PLA1A: variants seen among roughly 807,000 people sequenced by gnomAD.
PLA1A encodes the protein phospholipase A1 member A, also known as phosphatidylserine-specific phospholipase A1alpha.
Under a neutral mutation model 49.4 loss-of-function variants are expected in PLA1A, and 47 were observed. That is an observed-to-expected ratio of 0.95 (90% confidence interval 0.75 to 1.21). The LOEUF (loss-of-function observed/expected upper bound fraction) is 1.21, where lower values mean the gene tolerates loss of function less well. PLA1A is among the 50% of genes most tolerant of loss of function. PLA1A has a pLI of 0.00. For synonymous variants in PLA1A, 224 were observed against 207.9 expected, an observed-to-expected ratio of 1.08 and a Z score of -0.67; for missense variants, 561 against 563.9, an observed-to-expected ratio of 0.99 and a Z score of 0.05.
chr3:119,622,419 A>C (rs2082954028), intron 8 of PLA1A, among the ~76,000 whole-genome samples: 1 of 152,158 alleles, frequency 6.6e-6, no homozygotes, highest in African/African-American at 2.4e-5. Context: ...GTAACATCTG[A>C]GAAGGAGAGA....
intron 9 of PLA1A, 33 bp from the exon 10 acceptor site, chr3:119,628,668 G>A (rs566677139): frequency 6.2e-7 from 1 of 1,607,178 alleles, no homozygotes; most frequent in South Asian, 1.1e-5. Context: ...AAGGGCTACA[G>A]TCATTTACTT....
intron 5 of PLA1A, among the ~76,000 whole-genome samples, chr3:119,614,742 TA>T (rs11403395): frequency 2.2e-4 from 33 of 148,708 alleles, no homozygotes; most frequent in South Asian, 8.5e-4. Flanking sequence ...TGATGTGACT[TA>T]AAAAAAAAAA....
At chr3:119,621,453 G>A (rs2082928788) in intron 8 of PLA1A, among the ~76,000 whole-genome samples, 2 of 152,168 alleles carry the variant, frequency 1.3e-5, no homozygotes, top group Non-Finnish European at 2.9e-5. Flanking sequence ...AGGGGGTAGG[G>A]ACCAGCAGCT....
chr3:119,605,980 G>C (rs1226947129), intron 1 of PLA1A, among the ~76,000 whole-genome samples: 2 of 152,210 alleles, frequency 1.3e-5, no homozygotes, highest in African/African-American at 4.8e-5. Context: ...ATAAGGACAA[G>C]AAGTGATTAG....
At chr3:119,620,030 C>T (rs761724568) in intron 8 of PLA1A, 4 of 461,482 alleles carry the variant, frequency 8.7e-6, no homozygotes, top group South Asian at 4.7e-5. Context: ...GTTGGGGTCC[C>T]TGGGGAATAC....
At chr3:119,615,719 G>A (rs2082836295) in intron 5 of PLA1A, among the ~76,000 whole-genome samples, 1 of 152,110 alleles carries the variant, frequency 6.6e-6, no homozygotes, top group African/African-American at 2.4e-5. Context: ...GCTGAGGCAG[G>A]AGAATCGCTT....
At chr3:119,628,150 T>C (rs1021795190) in intron 9 of PLA1A, among the ~76,000 whole-genome samples, 1 of 152,216 alleles carries the variant, frequency 6.6e-6, no homozygotes, top group African/African-American at 2.4e-5. Context: ...TTACACCTAG[T>C]TGCTATGTGA....
At chr3:119,628,008 G>A (rs1282296886) in intron 9 of PLA1A, among the ~76,000 whole-genome samples, 1 of 103,348 alleles carries the variant, frequency 9.7e-6, no homozygotes, top group Non-Finnish European at 2.1e-5. Flanking sequence ...AAGGGAATCT[G>A]GGGGGGCAAA....
At chr3:119,622,701 C>T (rs2082960610) in intron 8 of PLA1A, among the ~76,000 whole-genome samples, 1 of 152,102 alleles carries the variant, frequency 6.6e-6, no homozygotes, top group Non-Finnish European at 1.5e-5. Flanking sequence ...AGCTATGTTC[C>T]CATCACCAAA....
chr3:119,626,094 G>A (rs926580914), intron 9 of PLA1A, among the ~76,000 whole-genome samples: 2 of 152,214 alleles, frequency 1.3e-5, no homozygotes, highest in Admixed American at 6.5e-5. Flanking sequence ...ACACAATGCA[G>A]AGATTAATCA....
chr3:119,622,389 A>G (rs2082953048), intron 8 of PLA1A, among the ~76,000 whole-genome samples: 1 of 152,186 alleles, frequency 6.6e-6, no homozygotes, highest in African/African-American at 2.4e-5. Flanking sequence ...GCCCGTCCCC[A>G]TAACAATTGA....
At chr3:119,614,428 C>T (rs950012170) in intron 5 of PLA1A, among the ~76,000 whole-genome samples, 9 of 151,810 alleles carry the variant, frequency 5.9e-5, no homozygotes, top group African/African-American at 2.2e-4. Flanking sequence ...AAAGTGAAAC[C>T]CCGTCTCTAC....
chr3:119,614,465 G>T (rs1002226898), intron 5 of PLA1A, among the ~76,000 whole-genome samples: 3 of 152,034 alleles, frequency 2.0e-5, no homozygotes, highest in African/African-American at 4.8e-5. Flanking sequence ...ATTTAGTGAG[G>T]CGTGGTGGTA....
rs372722871 is a variant in PLA1A at position 119,628,891 on chromosome 3, C to T, written c.1286+26C>T. The T allele has an allele frequency of 5.0e-6, 8 of 1,591,668 alleles. No individual in the cohort carries two copies. The African/African-American group carries it at 1.1e-4, about 21-fold the overall frequency. The stretch of plus-strand genomic sequence containing the variant: ...GTAAGCCCCAGTATTCACCTCTGCA[C>T]CAGATGCACTCACACATCAAAGACC... On this transcript the variant is annotated intron_variant, in intron 10 of 10. Transcript: ENST00000273371.
chr3:119,614,332 G>A (rs2082814061), intron 5 of PLA1A, among the ~76,000 whole-genome samples: 2 of 152,096 alleles, frequency 1.3e-5, no homozygotes, highest in Non-Finnish European at 2.9e-5. Context: ...GGTCGGGCGT[G>A]GTGGCTCACA....
chr3:119,624,421 G>A (rs777293384), intron 8 of PLA1A, among the ~76,000 whole-genome samples: 4 of 152,106 alleles, frequency 2.6e-5, no homozygotes, highest in African/African-American at 4.8e-5. Context: ...ACATGAACTC[G>A]GAGGGGACAC....
At chr3:119,625,826 C>A (rs917462727) in intron 9 of PLA1A, among the ~76,000 whole-genome samples, 3 of 152,112 alleles carry the variant, frequency 2.0e-5, no homozygotes, top group Admixed American at 2.0e-4. Flanking sequence ...GGTGGGACTA[C>A]GCTTGAAGTG....
chr3:119,604,330 A>T (rs1237798909), intron 1 of PLA1A, among the ~76,000 whole-genome samples: 1 of 152,240 alleles, frequency 6.6e-6, no homozygotes, highest in Non-Finnish European at 1.5e-5. Flanking sequence ...CACTGTTCAC[A>T]ATAGCCAAGA....
At chr3:119,608,663 C>A in intron 2 of PLA1A, 107 bp from the exon 3 acceptor site, 1 of 868,594 alleles carries the variant, frequency 1.2e-6, no homozygotes, top group Non-Finnish European at 1.9e-6. Context: ...ATGAGCCCTT[C>A]TCTAGTTTTG....
Sources: allele counts gnomAD v4.1 joint callset (sites outside exome capture counted in the v4.1 genomes callset), GRCh38; gene constraint gnomAD v4.1.1; transcripts MANE v1.5; gene names NCBI Gene and HGNC (gene_info 2026-07-23, HGNC 2026-07-21).